TMEM181: variants seen among roughly 807,000 people sequenced by gnomAD.
The protein encoded by TMEM181 is transmembrane protein 181.
Under a neutral mutation model 71.9 loss-of-function variants are expected in TMEM181, and 39 were observed. The ratio of observed to expected loss-of-function variants is 0.54; its 90% CI spans 0.42 to 0.71. The LOEUF (loss-of-function observed/expected upper bound fraction) is 0.71, where lower values mean the gene tolerates loss of function less well. Among genes scored for constraint, TMEM181 ranks in the 30% least tolerant of loss-of-function variants. The pLI, the probability that TMEM181 is intolerant of heterozygous loss-of-function variation, is 0.00. For missense variants in TMEM181, 595 were observed against 583.0 expected, an observed-to-expected ratio of 1.02 and a Z score of -0.21; for synonymous variants, 245 against 228.8, an observed-to-expected ratio of 1.07 and a Z score of -0.64.
At chr6:158,570,442 C>T (rs56724212) in intron 1 of TMEM181, among the ~76,000 whole-genome samples, 11,352 of 151,534 alleles carry the variant, frequency 0.075, 434 homozygotes, top group Middle Eastern at 0.088. Context: ...AGGGTTTCAC[C>T]GTGTCAGCCA....
chr6:158,629,073 A>C (rs563495294), intron 14 of TMEM181, among the ~76,000 whole-genome samples: 1 of 152,196 alleles, frequency 6.6e-6, no homozygotes, highest in Non-Finnish European at 1.5e-5. Flanking sequence ...CCAGTGGCGC[A>C]GGGCTGTTGC....
At chr6:158,556,504 G>A (rs554739938), upstream of TMEM181, among the ~76,000 whole-genome samples, 2 of 152,292 alleles carry the variant, frequency 1.3e-5, no homozygotes, top group African/African-American at 4.8e-5. Context: ...AAAGATGAAG[G>A]TTTTTAAAGG....
intron 1 of TMEM181, among the ~76,000 whole-genome samples, chr6:158,567,188 C>T (rs1045491992): frequency 2.6e-5 from 4 of 152,136 alleles, no homozygotes; most frequent in Non-Finnish European, 5.9e-5. Context: ...TGACATGTGG[C>T]CCCAGCAAGA....
chr6:158,625,780 C>T (rs775177753), intron 13 of TMEM181, 26 bp downstream of exon 13: 5 of 1,595,752 alleles, frequency 3.1e-6, no homozygotes, highest in Admixed American at 1.8e-5. Context: ...TTCTTGAAAA[C>T]AGCAAAACGG....
chr6:158,585,464 C>G (rs1396614936), intron 5 of TMEM181, 39 bp downstream of exon 5: 1 of 1,498,614 alleles, frequency 6.7e-7, no homozygotes, highest in Non-Finnish European at 8.9e-7. Context: ...AGTCCTCAGG[C>G]TGTGTACACG....
At chr6:158,550,325 G>A (rs1438107546) in intron 1 of TMEM181, among the ~76,000 whole-genome samples, 2 of 151,522 alleles carry the variant, frequency 1.3e-5, no homozygotes, top group Non-Finnish European at 2.9e-5. Flanking sequence ...GATCACAGGC[G>A]TGAGCCACCA....
intron 3 of TMEM181, among the ~76,000 whole-genome samples, chr6:158,581,238 A>G (rs76002323): frequency 0.028 from 4,202 of 152,312 alleles, 80 homozygotes; most frequent in Non-Finnish European, 0.043. Context: ...CTTAGGGAGC[A>G]GTTGTTCATT....
chr6:158,607,457 T>A, intron 8 of TMEM181, 114 bp downstream of exon 8: 1 of 893,866 alleles, frequency 1.1e-6, no homozygotes, highest in Non-Finnish European at 1.8e-6. Context: ...GCAGGAGGAC[T>A]GCTTGAAGCC....
In TMEM181 at chr6:158,634,054, T is replaced by C. The variant is rs2128335335; in HGVS notation, c.*2166T>C. On this transcript the variant is annotated 3_prime_UTR_variant, in exon 17 of 17. Coordinates refer to ENST00000684151, the MANE Select transcript of TMEM181 (RefSeq NM_001376852.1). ...AAAACTTTGTCCTATAGTGTAATTA[T>C]AAACTGATGACTATTATCTTCATAC... The C allele has an allele frequency of 6.6e-6, 1 of 152,360 alleles. No individual in the cohort carries two copies. Among genetic ancestry groups the C allele is most frequent in the South Asian group, 2.1e-4 (1 of 4,834 alleles). The allele number at this position is 152,360 out of a possible 1,614,324, so 9.4% of individuals were successfully genotyped here. A position where few individuals can be genotyped will look rare whatever the true frequency, so the allele number is the denominator to read the frequency against.
chr6:158,605,639 T>G (rs1784910533), intron 7 of TMEM181, among the ~76,000 whole-genome samples: 1 of 152,250 alleles, frequency 6.6e-6, no homozygotes, highest in South Asian at 2.1e-4. Context: ...GGAAGGAAGC[T>G]GCCTTACTTG....
intron 3 of TMEM181, 129 bp from the exon 4 acceptor site, chr6:158,583,825 C>A: frequency 1.6e-6 from 1 of 611,964 alleles, no homozygotes; most frequent in Non-Finnish European, 2.7e-6. Flanking sequence ...GAAAACCTCA[C>A]ATATTTCTGT....
chr6:158,582,769 G>C (rs1261192864), intron 3 of TMEM181, among the ~76,000 whole-genome samples: 4 of 152,166 alleles, frequency 2.6e-5, no homozygotes, highest in Non-Finnish European at 5.9e-5. Context: ...AACTCTCTCT[G>C]TGGCCTGCTG....
chr6:158,552,136 T>TA (rs1474568947), intron 1 of TMEM181, among the ~76,000 whole-genome samples: 2 of 152,206 alleles, frequency 1.3e-5, no homozygotes, highest in African/African-American at 4.8e-5. Context: ...TTAACCCTTT[T>TA]AAAGTTCAGT....
At chr6:158,548,210 G>A (rs2128280211) in intron 1 of TMEM181, among the ~76,000 whole-genome samples, 1 of 152,248 alleles carries the variant, frequency 6.6e-6, no homozygotes, top group East Asian at 1.9e-4. Context: ...TTGTCCCGAA[G>A]CTCTGGCCCA....
At chr6:158,581,175 C>T (rs1023123311) in intron 3 of TMEM181, among the ~76,000 whole-genome samples, 180 bp downstream of exon 3, 1 of 152,194 alleles carries the variant, frequency 6.6e-6, no homozygotes, top group Non-Finnish European at 1.5e-5. Flanking sequence ...GCTAAAGTCA[C>T]CATTTCTGCT....
In TMEM181 at chr6:158,572,605, G is replaced by GA. The variant is rs535840535; in HGVS notation, c.9-815_9-814insA. The GA allele has an allele frequency of 1.5e-3, 585 of 387,028 alleles. 2 individuals are homozygous for GA. The highest frequency in any genetic ancestry group is 0.011 in the African/African-American group (533 of 48,376). The allele number at this position is 387,028 out of a possible 1,614,324, so 24.0% of individuals were successfully genotyped here. On this transcript the variant is annotated intron_variant, in intron 1 of 16. Transcript: ENST00000684151. ...AGAGCTGTGCCTTGCGACAGAGACC[G>GA]GTGTTCCCAAAGCCTCACATGTACT...
chr6:158,552,757 G>C (rs893591221), intron 1 of TMEM181, among the ~76,000 whole-genome samples: 1 of 152,198 alleles, frequency 6.6e-6, no homozygotes, highest in African/African-American at 2.4e-5. Context: ...AAACAAAGTT[G>C]AGCTTCTGAG....
intron 1 of TMEM181, among the ~76,000 whole-genome samples, chr6:158,547,793 C>T (rs564394319): frequency 2.6e-5 from 4 of 151,566 alleles, no homozygotes; most frequent in East Asian, 1.9e-4. Flanking sequence ...CCTTGCCTCC[C>T]GACCTGACCT....
rs1032629682 is a variant in TMEM181 at position 158,634,316 on chromosome 6, G to A, written c.*2428G>A. ...TTGGCATGTAGAATATGTACCATAG[G>A]TATCAGGTTAAAACACTAAAGTCTG... is the stretch of plus-strand genomic sequence containing the variant. On this transcript the variant is annotated 3_prime_UTR_variant, in exon 17 of 17. Coordinates refer to ENST00000684151, the MANE Select transcript of TMEM181 (RefSeq NM_001376852.1). 2 of 152,170 alleles carry A rather than the reference G, an allele frequency of 1.3e-5. No individual in the cohort carries two copies. Among genetic ancestry groups the A allele is most frequent in the Admixed American group, 6.5e-5 (1 of 15,284 alleles). The allele number at this position is 152,170 out of a possible 1,614,324, so 9.4% of individuals were successfully genotyped here. A position where few individuals can be genotyped will look rare whatever the true frequency, so the allele number is the denominator to read the frequency against.
Sources: gnomAD v4.1 joint callset for allele counts (sites outside exome capture counted in the v4.1 genomes callset) on GRCh38, gnomAD v4.1.1 for gene constraint, MANE v1.5 for transcripts, NCBI Gene and HGNC (gene_info 2026-07-23, HGNC 2026-07-21) for gene names.